Variants in SEMA5A observed in about 807,000 individuals in gnomAD.
The protein encoded by SEMA5A is semaphorin 5A, also known as semaphorin-5A.
A neutral mutation model predicts 135.5 loss-of-function variants in SEMA5A; 55 were observed. The ratio of observed to expected loss-of-function variants is 0.41; its 90% CI spans 0.33 to 0.51. The LOEUF (loss-of-function observed/expected upper bound fraction) is 0.51. SEMA5A is among the 20% of genes least tolerant of loss of function. SEMA5A has a pLI of 0.37. For synonymous variants in SEMA5A, 580 were observed against 546.5 expected, an observed-to-expected ratio of 1.06 and a Z score of -0.85; for missense variants, 1,290 against 1,419.9, an observed-to-expected ratio of 0.91 and a Z score of 1.47.
intron 2 of SEMA5A, among the ~76,000 whole-genome samples, chr5:9,386,853 C>G (rs1340109082): frequency 1.3e-5 from 2 of 152,234 alleles, no homozygotes; most frequent in Non-Finnish European, 2.9e-5. Flanking sequence ...GAAAACAGAG[C>G]TAGTGTCCTA....
At chr5:9,495,754 T>A (rs1300082767) in intron 1 of SEMA5A, among the ~76,000 whole-genome samples, 1 of 152,220 alleles carries the variant, frequency 6.6e-6, no homozygotes, top group African/African-American at 2.4e-5. Flanking sequence ...TAGACAGTAA[T>A]GGGTAAATAA....
intron 11 of SEMA5A, among the ~76,000 whole-genome samples, chr5:9,157,722 G>A (rs1283905349): frequency 1.3e-5 from 2 of 152,216 alleles, no homozygotes; most frequent in African/African-American, 2.4e-5. Context: ...TGCAGCCCAA[G>A]AGCCTGTGAT....
intron 12 of SEMA5A, among the ~76,000 whole-genome samples, chr5:9,141,799 G>T (rs185813070): frequency 2.0e-4 from 31 of 152,234 alleles, no homozygotes; most frequent in African/African-American, 7.2e-4. Context: ...TTTCTGAAAA[G>T]TTGAGATTTA....
chr5:9,246,905 A>G (rs2150478113), intron 5 of SEMA5A, among the ~76,000 whole-genome samples: 1 of 152,332 alleles, frequency 6.6e-6, no homozygotes, highest in Middle Eastern at 3.4e-3. Flanking sequence ...ATAATATTCT[A>G]GCACTATTGG....
At chr5:9,399,338 CATG>C (rs1252028459) in intron 2 of SEMA5A, among the ~76,000 whole-genome samples, 3 of 152,086 alleles carry the variant, frequency 2.0e-5, no homozygotes, top group East Asian at 3.9e-4. Context: ...GCCTTGAAAA[CATG>C]ATAAGTGAAA....
chr5:9,111,347 A>C (rs2150161808), intron 15 of SEMA5A, among the ~76,000 whole-genome samples: 1 of 152,124 alleles, frequency 6.6e-6, no homozygotes, highest in South Asian at 2.1e-4. Context: ...TGTTTATAAA[A>C]CCCCTGACTT....
intron 15 of SEMA5A, among the ~76,000 whole-genome samples, chr5:9,110,203 C>T (rs559831956): frequency 6.6e-6 from 1 of 152,244 alleles, no homozygotes; most frequent in South Asian, 2.1e-4. Flanking sequence ...AAAACTGGAA[C>T]TTTATGAGAA....
chr5:9,341,669 ATATAT>A (rs1305415510), intron 3 of SEMA5A, among the ~76,000 whole-genome samples: 2 of 77,356 alleles, frequency 2.6e-5, no homozygotes, highest in East Asian at 4.9e-4. Flanking sequence ...TATATATAAT[ATATAT>A]TATATATATA....
chr5:9,362,512 C>T (rs750594345), intron 3 of SEMA5A, among the ~76,000 whole-genome samples: 5 of 152,116 alleles, frequency 3.3e-5, no homozygotes, highest in Admixed American at 1.3e-4. Flanking sequence ...AGTTTGAATG[C>T]GATTCCAATG....
chr5:9,145,635 A>G (rs956163188), intron 12 of SEMA5A, among the ~76,000 whole-genome samples: 1 of 140,124 alleles, frequency 7.1e-6, no homozygotes, highest in Non-Finnish European at 1.5e-5. Flanking sequence ...ATATTAAAGA[A>G]GAAAACTTTT....
intron 2 of SEMA5A, among the ~76,000 whole-genome samples, chr5:9,433,599 C>CCCTCCTTCCCTT (rs1443340872): frequency 4.9e-5 from 7 of 142,846 alleles, no homozygotes; most frequent in South Asian, 2.6e-4. Flanking sequence ...ACCCTTCCCT[C>CCCTCCTTCCCTT]CCTCCTTCCC....
intron 5 of SEMA5A, among the ~76,000 whole-genome samples, chr5:9,255,334 G>T (rs1579721703): frequency 6.6e-6 from 1 of 152,158 alleles, no homozygotes; most frequent in African/African-American, 2.4e-5. Flanking sequence ...TGGTCAACAT[G>T]CAGGGTCCAC....
intron 11 of SEMA5A, among the ~76,000 whole-genome samples, chr5:9,160,964 A>G (rs577020614): frequency 6.6e-6 from 1 of 152,168 alleles, no homozygotes; most frequent in Non-Finnish European, 1.5e-5. Flanking sequence ...ACAAAAAGAA[A>G]TTACCCCCAA....
intron 5 of SEMA5A, among the ~76,000 whole-genome samples, chr5:9,285,953 A>G (rs1481093414): frequency 6.6e-6 from 1 of 152,232 alleles, no homozygotes; most frequent in East Asian, 1.9e-4. Context: ...GCATACCCCA[A>G]TTAGCCAGAT....
chr5:9,393,285 A>G (rs1756246089), intron 2 of SEMA5A, among the ~76,000 whole-genome samples: 1 of 152,222 alleles, frequency 6.6e-6, no homozygotes. Flanking sequence ...TCCATTTGGT[A>G]AGTAGCTCCT....
At chr5:9,288,147 G>A (rs1478852207) in intron 5 of SEMA5A, among the ~76,000 whole-genome samples, 15 of 152,168 alleles carry the variant, frequency 9.9e-5, no homozygotes, top group Admixed American at 9.8e-4. Flanking sequence ...TGAATCAAGG[G>A]TTCTATAGGA....
At chr5:9,406,828 TC>T (rs1421844005) in intron 2 of SEMA5A, among the ~76,000 whole-genome samples, 1 of 152,202 alleles carries the variant, frequency 6.6e-6, no homozygotes, top group Non-Finnish European at 1.5e-5. Flanking sequence ...CAAGTAGGTG[TC>T]CTGTAGTAGA....
intron 5 of SEMA5A, among the ~76,000 whole-genome samples, chr5:9,244,340 A>C (rs2150471364): frequency 6.6e-6 from 1 of 152,036 alleles, no homozygotes; most frequent in Admixed American, 6.5e-5. Context: ...TAGTGCCCCC[A>C]CCCCATTCTT....
chr5:9,469,243 G>C (rs1278014884), intron 1 of SEMA5A, among the ~76,000 whole-genome samples: 2 of 152,154 alleles, frequency 1.3e-5, no homozygotes, highest in Admixed American at 1.3e-4. Flanking sequence ...TCCTGACCTT[G>C]TGATCCACCT....
Sources: allele counts gnomAD v4.1 joint callset (sites outside exome capture counted in the v4.1 genomes callset), GRCh38; gene constraint gnomAD v4.1.1; transcripts MANE v1.5; gene names NCBI Gene and HGNC (gene_info 2026-07-23, HGNC 2026-07-21).